The following KCNB2 variants were observed in gnomAD, a reference collection of about 807,000 sequenced individuals.
KCNB2 encodes delayed rectifier potassium channel protein.
A neutral mutation model predicts 61.5 loss-of-function variants in KCNB2; 15 were observed. The observed-to-expected ratio is 0.24, with a 90% CI of 0.16 to 0.38. The LOEUF is 0.38. Ranked by LOEUF, KCNB2 falls within the 10% of genes least tolerant of loss-of-function variation. KCNB2 has a pLI of 1.00. For missense variants in KCNB2, 828 were observed against 1,125.2 expected (o/e 0.74, Z 3.78); for synonymous variants, 457 against 446.0 (o/e 1.02, Z -0.31).
In KCNB2 at chr8:72,677,038, G is replaced by A. The variant is rs139439335; in HGVS notation, c.579+108725G>A. On this transcript the variant is annotated intron_variant, in intron 2 of 2. Coordinates refer to ENST00000523207, the MANE Select transcript of KCNB2 (RefSeq NM_004770.3). ...ATTATTTAAGGTAAAATTAGGTCAT[G>A]CTGGAGTAGGGTGGGCCCCTAAACC... 2.4e-3 allele frequency among the ~76,000 whole-genome samples: 361 copies of A among 152,266 alleles called. 3 individuals are homozygous for A. Among genetic ancestry groups the A allele is most frequent in the Non-Finnish European group, 3.0e-3 (203 of 68,028 alleles).
chr8:72,722,583 C>T (rs2128992859), intron 2 of KCNB2, among the ~76,000 whole-genome samples: 1 of 152,258 alleles, frequency 6.6e-6, no homozygotes, highest in South Asian at 2.1e-4. Flanking sequence ...ATGGGGTCAT[C>T]GAATCAGTGT....
intron 2 of KCNB2, among the ~76,000 whole-genome samples, chr8:72,860,111 C>G (rs991781077): frequency 3.9e-5 from 6 of 152,022 alleles, no homozygotes; most frequent in African/African-American, 1.4e-4. Context: ...TATGTTGATT[C>G]CATCTTTTGG....
At chr8:72,855,122 G>C (rs901079617) in intron 2 of KCNB2, among the ~76,000 whole-genome samples, 1 of 152,074 alleles carries the variant, frequency 6.6e-6, no homozygotes, top group Non-Finnish European at 1.5e-5. Flanking sequence ...TCACACAAAG[G>C]CTACTAAAAG....
intron 2 of KCNB2, among the ~76,000 whole-genome samples, chr8:72,823,375 G>A (rs542847117): frequency 1.3e-5 from 2 of 152,232 alleles, no homozygotes; most frequent in Non-Finnish European, 2.9e-5. Flanking sequence ...ATCCAGCCTG[G>A]GGAAGCAGGT....
At chr8:72,737,084 C>A (rs1374464776) in intron 2 of KCNB2, among the ~76,000 whole-genome samples, 1 of 151,084 alleles carries the variant, frequency 6.6e-6, no homozygotes, top group Non-Finnish European at 1.5e-5. Context: ...TTATTAGGCA[C>A]ACAAGAAACC....
intron 2 of KCNB2, among the ~76,000 whole-genome samples, chr8:72,836,167 CCAGCGTT>C (rs1263324591): frequency 6.6e-6 from 1 of 152,166 alleles, no homozygotes; most frequent in Non-Finnish European, 1.5e-5. Context: ...TTAACAGAAA[CCAGCGTT>C]CAGTAAAAGG....
chr8:72,730,229 G>A (rs1012895691), intron 2 of KCNB2, among the ~76,000 whole-genome samples: 1 of 152,124 alleles, frequency 6.6e-6, no homozygotes, highest in Non-Finnish European at 1.5e-5. Context: ...AGAGCCAAAA[G>A]TACATTTATA....
chr8:72,696,099 G>T (rs140123754), intron 2 of KCNB2, among the ~76,000 whole-genome samples: 1 of 152,188 alleles, frequency 6.6e-6, no homozygotes, highest in Non-Finnish European at 1.5e-5. Flanking sequence ...GTCAGGAGAC[G>T]AGATGATAAA....
At chr8:72,796,541 A>C (rs541346018) in intron 2 of KCNB2, among the ~76,000 whole-genome samples, 32 of 152,274 alleles carry the variant, frequency 2.1e-4, no homozygotes, top group African/African-American at 7.7e-4. Context: ...ATTTAAAAGT[A>C]ATTATGGTTT....
chr8:72,776,532 T>C (rs1808656851), intron 2 of KCNB2, among the ~76,000 whole-genome samples: 1 of 152,192 alleles, frequency 6.6e-6, no homozygotes, highest in Non-Finnish European at 1.5e-5. Flanking sequence ...TCAACTCTGC[T>C]GGTGAGTATT....
chr8:72,674,074 C>T lies in KCNB2; in HGVS notation c.579+105761C>T, dbSNP rs555191475. Among the ~76,000 whole-genome samples, 183 of 152,288 alleles carry T rather than the reference C, an allele frequency of 1.2e-3. 1 individual carries two copies. The highest frequency in any genetic ancestry group is 4.1e-3 in the African/African-American group (170 of 41,552). ...ATTTTCCCTCTGCATCCAGATAGCCCTTCTCTATTGGAAGAGCCAGCATGA... is the reference window on the plus strand; with the variant it reads ...ATTTTCCCTCTGCATCCAGATAGCCTTTCTCTATTGGAAGAGCCAGCATGA... On this transcript the variant is annotated intron_variant, in intron 2 of 2. Transcript: ENST00000523207.
rs191365241 is a variant in KCNB2 at position 72,562,686 on chromosome 8, T to C, written c.-93-4956T>C. On this transcript the variant is annotated intron_variant, in intron 1 of 2. Transcript: ENST00000523207. ...ATTTATGTTTATAAATTATTCACAG[T>C]TGCATAATATCTACACAATTTAAGC... Among the ~76,000 whole-genome samples, 224 of 152,184 alleles carry C rather than the reference T, an allele frequency of 1.5e-3. 2 individuals are homozygous for C. The highest frequency in any genetic ancestry group is 3.4e-3 in the Middle Eastern group (1 of 294).
intron 2 of KCNB2, among the ~76,000 whole-genome samples, chr8:72,615,388 C>T (rs1704938402): frequency 6.6e-6 from 1 of 152,166 alleles, no homozygotes; most frequent in African/African-American, 2.4e-5. Flanking sequence ...CAAGATGAAG[C>T]AAAAACTGCC....
chr8:72,590,027 C>A (rs1807069784), intron 2 of KCNB2, among the ~76,000 whole-genome samples: 1 of 151,900 alleles, frequency 6.6e-6, no homozygotes, highest in Admixed American at 6.6e-5. Flanking sequence ...CCACAAATTT[C>A]ACTGACGTAT....
chr8:72,721,751 G>C (rs1807553445), intron 2 of KCNB2, among the ~76,000 whole-genome samples: 1 of 152,158 alleles, frequency 6.6e-6, no homozygotes, highest in Non-Finnish European at 1.5e-5. Context: ...TCAGTTGTGT[G>C]GCTTGAAGTT....
At chr8:72,872,654 C>T (rs759206612) in intron 2 of KCNB2, among the ~76,000 whole-genome samples, 18 of 152,202 alleles carry the variant, frequency 1.2e-4, no homozygotes, top group Middle Eastern at 3.4e-3. Context: ...ATATTCTACA[C>T]GGAAGAGAGA....
At chr8:72,842,248 G>T (rs375880288) in intron 2 of KCNB2, among the ~76,000 whole-genome samples, 1 of 152,188 alleles carries the variant, frequency 6.6e-6, no homozygotes, top group African/African-American at 2.4e-5. Context: ...ATTGATTTGT[G>T]TATGTTGAAT....
At chr8:72,751,995 A>C (rs1808198248) in intron 2 of KCNB2, among the ~76,000 whole-genome samples, 1 of 152,174 alleles carries the variant, frequency 6.6e-6, no homozygotes. Flanking sequence ...AAACATGAAG[A>C]AGGAGATGGA....
intron 2 of KCNB2, among the ~76,000 whole-genome samples, chr8:72,856,581 T>G (rs1243385729): frequency 6.6e-6 from 1 of 152,242 alleles, no homozygotes; most frequent in African/African-American, 2.4e-5. Context: ...ATATCTCTAC[T>G]TGTTTCTACA....
Sources: gnomAD v4.1 joint callset for allele counts (sites outside exome capture counted in the v4.1 genomes callset) on GRCh38, gnomAD v4.1.1 for gene constraint, MANE v1.5 for transcripts, NCBI Gene and HGNC (gene_info 2026-07-23, HGNC 2026-07-21) for gene names.